Variants in NFIB observed in about 807,000 individuals in gnomAD.
The protein encoded by NFIB is nuclear factor I B, also known as nuclear factor 1 B-type.
Under a neutral mutation model 61.5 loss-of-function variants are expected in NFIB, and 11 were observed. The observed-to-expected ratio is 0.18, with a 90% CI of 0.11 to 0.30. The LOEUF is 0.30. Ranked by LOEUF, NFIB falls within the 10% of genes least tolerant of loss-of-function variation. NFIB has a pLI of 1.00. For missense variants in NFIB, 471 were observed against 608.9 expected, an observed-to-expected ratio of 0.77 and a Z score of 2.38; for synonymous variants, 260 against 216.5, an observed-to-expected ratio of 1.20 and a Z score of -1.76.
intron 2 of NFIB, among the ~76,000 whole-genome samples, chr9:14,298,952 C>A (rs2059602234): frequency 1.3e-5 from 2 of 152,172 alleles, no homozygotes; most frequent in African/African-American, 4.8e-5. Flanking sequence ...CCTCATAAAA[C>A]AAGGCTTTTA....
At chr9:14,453,931 A>G in the NFIB span, among the ~76,000 whole-genome samples, 3 of 152,070 alleles carry the variant, frequency 2.0e-5, no homozygotes, top group South Asian at 6.2e-4. Context: ...AAGTACAAAA[A>G]TTAGCTGGGC....
intron 2 of NFIB, among the ~76,000 whole-genome samples, chr9:14,196,866 C>G (rs146804203): frequency 2.9e-4 from 44 of 152,226 alleles, no homozygotes; most frequent in Admixed American, 5.9e-4. Flanking sequence ...AATTTGTTGT[C>G]AAATCGTATG....
At chr9:14,185,388 GC>G (rs545928582) in intron 2 of NFIB, among the ~76,000 whole-genome samples, 57 of 152,250 alleles carry the variant, frequency 3.7e-4, no homozygotes, top group African/African-American at 1.3e-3. Context: ...AAAATAGTAT[GC>G]CATTCATGGC....
chr9:14,427,934 G>GTGGTTTTTT, the NFIB span, among the ~76,000 whole-genome samples: 1 of 25,946 alleles, frequency 3.9e-5, no homozygotes, highest in East Asian at 1.8e-3. Flanking sequence ...CTTTAATTCA[G>GTGGTTTTTT]TTGTTTTTTT....
intron 1 of NFIB, among the ~76,000 whole-genome samples, chr9:14,387,747 T>C (rs1181721955): frequency 6.6e-6 from 1 of 152,246 alleles, no homozygotes; most frequent in East Asian, 1.9e-4. Context: ...TTAGCAATAC[T>C]TACAGAGTTA....
chr9:14,362,061 C>T (rs1003491478), intron 1 of NFIB: 6 of 152,146 alleles, frequency 3.9e-5, no homozygotes, highest in Non-Finnish European at 7.4e-5. Flanking sequence ...TAGGGCCTCT[C>T]TACATTAATT....
intron 2 of NFIB, among the ~76,000 whole-genome samples, chr9:14,294,569 C>G (rs1051116624): frequency 6.6e-6 from 1 of 152,304 alleles, no homozygotes; most frequent in Middle Eastern, 3.4e-3. Context: ...AGAACTGCTA[C>G]TAAACACCAG....
chr9:14,251,501 C>T (rs961412882), intron 2 of NFIB, among the ~76,000 whole-genome samples: 1 of 152,198 alleles, frequency 6.6e-6, no homozygotes, highest in African/African-American at 2.4e-5. Context: ...AGGCCAAGTT[C>T]CAATGTGGTT....
At chr9:14,128,024 T>G (rs1377392618) in intron 6 of NFIB, among the ~76,000 whole-genome samples, 1 of 151,882 alleles carries the variant, frequency 6.6e-6, no homozygotes, top group Non-Finnish European at 1.5e-5. Flanking sequence ...AAACCATGGT[T>G]TAAAAAATAG....
At chr9:14,218,582 A>G (rs964485314) in intron 2 of NFIB, among the ~76,000 whole-genome samples, 4 of 152,208 alleles carry the variant, frequency 2.6e-5, no homozygotes, top group Non-Finnish European at 5.9e-5. Flanking sequence ...CACCCAATCA[A>G]TGAACAAATG....
chr9:14,173,333 A>G (rs937386968), intron 3 of NFIB, among the ~76,000 whole-genome samples: 4 of 152,170 alleles, frequency 2.6e-5, no homozygotes, highest in Non-Finnish European at 4.4e-5. Context: ...TGCCACCTAC[A>G]ATGGTGGGAA....
At chr9:14,380,276 T>G (rs937917370) in intron 1 of NFIB, among the ~76,000 whole-genome samples, 2 of 152,194 alleles carry the variant, frequency 1.3e-5, no homozygotes, top group African/African-American at 4.8e-5. Flanking sequence ...GAAAGCCAGT[T>G]CAACCACAAT....
At chr9:14,383,815 G>A (rs1234840588) in intron 1 of NFIB, among the ~76,000 whole-genome samples, 2 of 152,200 alleles carry the variant, frequency 1.3e-5, no homozygotes, top group African/African-American at 2.4e-5. Flanking sequence ...CTAAAGGGGA[G>A]CCCATTACAA....
the NFIB span, among the ~76,000 whole-genome samples, chr9:14,476,672 C>G: frequency 1.3e-5 from 2 of 152,074 alleles, no homozygotes; most frequent in African/African-American, 4.8e-5. Flanking sequence ...GTCATCTGTA[C>G]AAACATTGAG....
intron 1 of NFIB, among the ~76,000 whole-genome samples, chr9:14,351,058 T>G (rs2061104728): frequency 6.6e-6 from 1 of 152,312 alleles, no homozygotes. Context: ...ATCAGCTGTG[T>G]GTTCCAGGAA....
chr9:14,115,938 A>C (rs564348015), intron 9 of NFIB, among the ~76,000 whole-genome samples: 1 of 152,302 alleles, frequency 6.6e-6, no homozygotes, highest in South Asian at 2.1e-4. Flanking sequence ...ATGACTTATT[A>C]TTTTTGTTAT....
chr9:14,314,994 C>G (rs1019588470), upstream of NFIB, among the ~76,000 whole-genome samples: 14 of 151,938 alleles, frequency 9.2e-5, no homozygotes, highest in Admixed American at 2.6e-4. Flanking sequence ...CCCTCACACC[C>G]AGGCCGCCCC....
At chr9:14,363,878 A>G (rs144634665) in intron 1 of NFIB, among the ~76,000 whole-genome samples, 180 of 152,258 alleles carry the variant, frequency 1.2e-3, no homozygotes, top group African/African-American at 4.0e-3. Flanking sequence ...AAAACTTATC[A>G]TCTTTTTAAT....
At chr9:14,420,103 C>G in the NFIB span, among the ~76,000 whole-genome samples, 5 of 152,066 alleles carry the variant, frequency 3.3e-5, no homozygotes, top group African/African-American at 1.2e-4. Context: ...TGTCCCCAAA[C>G]TCATGTGAAC....
Sources: allele counts gnomAD v4.1 joint callset (sites outside exome capture counted in the v4.1 genomes callset), GRCh38; gene constraint gnomAD v4.1.1; transcripts MANE v1.5; gene names NCBI Gene and HGNC (gene_info 2026-07-23, HGNC 2026-07-21).